PPP1R13B: variants seen among roughly 807,000 people sequenced by gnomAD.
The protein encoded by PPP1R13B is protein phosphatase 1 regulatory subunit 13B, also known as apoptosis-stimulating of p53 protein 1.
PPP1R13B carries 44 observed loss-of-function variants against 119.8 expected under a neutral mutation model. That is an observed-to-expected ratio of 0.37 (90% CI 0.29 to 0.47). The LOEUF (loss-of-function observed/expected upper bound fraction) is 0.47. Ranked by LOEUF, PPP1R13B falls within the 20% of genes least tolerant of loss-of-function variation. The pLI, the probability that PPP1R13B is intolerant of heterozygous loss-of-function variation, is 0.99. For missense variants in PPP1R13B, 1,227 were observed against 1,413.5 expected (o/e 0.87, Z 2.12); for synonymous variants, 542 against 561.5 (o/e 0.97, Z 0.49).
intron 4 of PPP1R13B, among the ~76,000 whole-genome samples, chr14:103,776,604 G>T (rs2085200296): frequency 6.6e-6 from 1 of 152,184 alleles, no homozygotes; most frequent in African/African-American, 2.4e-5. Flanking sequence ...TGGGCGCGAT[G>T]GCTCACGCCT....
At chr14:103,824,477 C>T (rs1261137612) in intron 1 of PPP1R13B, among the ~76,000 whole-genome samples, 3 of 151,300 alleles carry the variant, frequency 2.0e-5, no homozygotes, top group Non-Finnish European at 3.0e-5. Context: ...GGGCGGATCA[C>T]GAGGTCAGGA....
chr14:103,803,579 C>G (rs2085950506), intron 1 of PPP1R13B, among the ~76,000 whole-genome samples: 1 of 152,066 alleles, frequency 6.6e-6, no homozygotes, highest in Admixed American at 6.6e-5. Context: ...GGAGGTGGAG[C>G]TTGCAGGGAG....
intron 3 of PPP1R13B, among the ~76,000 whole-genome samples, chr14:103,782,602 G>A (rs907250037): frequency 6.6e-6 from 1 of 152,168 alleles, no homozygotes; most frequent in Admixed American, 6.5e-5. Flanking sequence ...GCAGAAGACG[G>A]CCTGTTTCTC....
intron 1 of PPP1R13B, among the ~76,000 whole-genome samples, chr14:103,812,540 T>C (rs560228867): frequency 1.6e-4 from 24 of 152,136 alleles, no homozygotes; most frequent in Admixed American, 1.2e-3. Flanking sequence ...GTGACTCAGC[T>C]TCCTGAGTAG....
At chr14:103,735,655 T>C (rs973631431) in intron 16 of PPP1R13B, among the ~76,000 whole-genome samples, 1 of 152,140 alleles carries the variant, frequency 6.6e-6, no homozygotes, top group African/African-American at 2.4e-5. Flanking sequence ...CTCCCTCCAC[T>C]GGAGAAATTT....
At chr14:103,814,294 A>G (rs942837764) in intron 1 of PPP1R13B, among the ~76,000 whole-genome samples, 1 of 152,174 alleles carries the variant, frequency 6.6e-6, no homozygotes, top group Non-Finnish European at 1.5e-5. Context: ...GCTTGCAGTG[A>G]GCCGAGATTG....
At chr14:103,810,337 G>A (rs927750192) in intron 1 of PPP1R13B, among the ~76,000 whole-genome samples, 16 of 151,978 alleles carry the variant, frequency 1.1e-4, no homozygotes, top group South Asian at 6.2e-4. Flanking sequence ...CAGGAGAATC[G>A]TTTGAACCCA....
intron 1 of PPP1R13B, among the ~76,000 whole-genome samples, chr14:103,809,348 T>A (rs2086093141): frequency 6.6e-6 from 1 of 152,230 alleles, no homozygotes; most frequent in African/African-American, 2.4e-5. Flanking sequence ...TTGCATTATT[T>A]ACTTAGTATA....
At position 103,736,206 on chromosome 14, in the gene PPP1R13B, G is replaced by C; in HGVS notation, c.3032-4C>G. 1 of 1,612,706 alleles carries C rather than the reference G, an allele frequency of 6.2e-7. No individual in the cohort carries two copies. ...ACACCCAGCTTTTCCTGCACCCCTG[G>C]AGCCAGAGAGCAATGGTCAGGCCTC... is the stretch of plus-strand genomic sequence containing the variant. On this transcript the variant is annotated splice_region_variant and splice_polypyrimidine_tract_variant and intron_variant, in intron 15 of 16. Coordinates refer to ENST00000202556, the MANE Select transcript of PPP1R13B (RefSeq NM_015316.3).
chr14:103,802,112 C>T (rs1397943654), intron 1 of PPP1R13B, among the ~76,000 whole-genome samples: 1 of 152,162 alleles, frequency 6.6e-6, no homozygotes, highest in African/African-American at 2.4e-5. Flanking sequence ...TAGTTTTATT[C>T]TTACTTATAC....
intron 9 of PPP1R13B, 52 bp downstream of exon 9, chr14:103,746,321 C>T (rs2084384468): frequency 5.3e-6 from 2 of 380,486 alleles, no homozygotes; most frequent in Admixed American, 7.8e-5. Flanking sequence ...CACCGCAGGC[C>T]CCATTCCCTG....
chr14:103,745,949 G>A (rs948633668), intron 9 of PPP1R13B, among the ~76,000 whole-genome samples: 2 of 152,130 alleles, frequency 1.3e-5, no homozygotes, highest in Admixed American at 6.6e-5. Flanking sequence ...GGGATTACAG[G>A]TGCACGCCAC....
chr14:103,765,178 T>C lies in PPP1R13B; in HGVS notation c.355-7427A>G, dbSNP rs183311241. Among the ~76,000 whole-genome samples the C allele has an allele frequency of 2.3e-3, 357 of 152,332 alleles. 3 individuals carry two copies. Among genetic ancestry groups the C allele is most frequent in the African/African-American group, 7.3e-3 (304 of 41,574 alleles). ...CAGTATCTGAGGTGTTTGTCACATT[T>C]TGTTCGTGATGTCTTATTTCCTTGT... On this transcript the variant is annotated intron_variant, in intron 4 of 16. Coordinates refer to ENST00000202556, the MANE Select transcript of PPP1R13B (RefSeq NM_015316.3).
chr14:103,843,983 C>T (rs1477382543), intron 1 of PPP1R13B, among the ~76,000 whole-genome samples: 1 of 149,466 alleles, frequency 6.7e-6, no homozygotes, highest in Non-Finnish European at 1.5e-5. Flanking sequence ...AGGCCAGGTG[C>T]AGGGGCAGAG....
intron 4 of PPP1R13B, among the ~76,000 whole-genome samples, chr14:103,769,439 T>C (rs2085014006): frequency 1.3e-5 from 2 of 151,986 alleles, no homozygotes; most frequent in Non-Finnish European, 2.9e-5. Context: ...AGTGTCTCAC[T>C]ATGTTACCCA....
At chr14:103,848,404 A>G (rs1346038832), upstream of PPP1R13B, 11 of 985,304 alleles carry the variant, frequency 1.1e-5, no homozygotes, top group African/African-American at 1.7e-5. Context: ...CGCCGGAGTG[A>G]CAGAGCCCTG....
At chr14:103,764,998 T>G (rs1292571408) in intron 4 of PPP1R13B, among the ~76,000 whole-genome samples, 1 of 152,176 alleles carries the variant, frequency 6.6e-6, no homozygotes, top group Non-Finnish European at 1.5e-5. Context: ...TTTTGTATTT[T>G]TAGTAGAGAT....
At chr14:103,744,228 G>A (rs574319553) in intron 9 of PPP1R13B, among the ~76,000 whole-genome samples, 1 of 152,368 alleles carries the variant, frequency 6.6e-6, no homozygotes, top group Non-Finnish European at 1.5e-5. Flanking sequence ...TTCTTCAGAA[G>A]AAGGCAAGAG....
Position 103,740,453 on chromosome 14 carries a change from CG to C in PPP1R13B, c.1962del (p.Ala655ProfsTer51). On this transcript the variant is annotated frameshift_variant, in exon 12 of 17. Transcript: ENST00000202556. LOFTEE classifies it high-confidence loss of function. This position sits in a 1 kb window ranked among gnomAD's most constrained non-coding sequence, Gnocchi z 4.6. The stretch of plus-strand genomic sequence containing the variant: ...ACGGTGCTGCCATCTGCGGGGGCGG[CG>C]GGGCCATCCTGCTCAGGCTCTTTCT... ...STEKEPEQDG[P>X]AAPADGSTVE... The C allele has an allele frequency of 6.2e-7, 1 of 1,607,140 alleles. No individual in the cohort carries two copies. Among genetic ancestry groups the C allele is most frequent in the African/African-American group, 1.3e-5 (1 of 74,922 alleles).
Sources: gnomAD v4.1 joint callset for allele counts (sites outside exome capture counted in the v4.1 genomes callset) on GRCh38, gnomAD v4.1.1 for gene constraint, Gnocchi (gnomAD v3.1) non-coding constraint, MANE v1.5 for transcripts, NCBI Gene and HGNC (gene_info 2026-07-23, HGNC 2026-07-21) for gene names.